ARHGAP15: variants seen among roughly 807,000 people sequenced by gnomAD.
ARHGAP15 encodes Rho GTPase activating protein 15.
ARHGAP15 carries 51 observed loss-of-function variants against 63.7 expected under a neutral mutation model. That is an observed-to-expected ratio of 0.80 (90% CI 0.64 to 1.01). The LOEUF (loss-of-function observed/expected upper bound fraction) is 1.01. Among genes scored for constraint, ARHGAP15 ranks in the 50% least tolerant of loss-of-function variants. The pLI, the probability that ARHGAP15 is intolerant of heterozygous loss-of-function variation, is 0.00. For synonymous variants in ARHGAP15, 191 were observed against 193.8 expected (o/e 0.99, Z 0.12); for missense variants, 560 against 564.6 (o/e 0.99, Z 0.08).
rs928466779 is a variant in ARHGAP15 at position 143,544,847 on chromosome 2, G to C, written c.926-11561G>C. Among the ~76,000 whole-genome samples, 4 of 152,192 alleles carry C rather than the reference G, an allele frequency of 2.6e-5. No individual in the cohort carries two copies. In the South Asian group the frequency reaches 6.2e-4, roughly 24 times the overall value. ...GAACATGACCTAGTCCCACCTCTCT[G>C]TGGAGCAGAAGTATTAGTAATATCC... is the stretch of plus-strand genomic sequence containing the variant. On this transcript the variant is annotated intron_variant, in intron 10 of 13. Coordinates refer to ENST00000295095, the MANE Select transcript of ARHGAP15 (RefSeq NM_018460.4).
intron 3 of ARHGAP15, among the ~76,000 whole-genome samples, chr2:143,215,933 C>A (rs1029050094): frequency 6.6e-6 from 1 of 152,102 alleles, no homozygotes; most frequent in Non-Finnish European, 1.5e-5. Context: ...TTTTAAATGC[C>A]CTTCCATGAT....
intron 12 of ARHGAP15, among the ~76,000 whole-genome samples, chr2:143,644,693 G>GT (rs947509601): frequency 3.9e-5 from 6 of 152,106 alleles, no homozygotes; most frequent in African/African-American, 1.4e-4. Flanking sequence ...CAGAACGCAA[G>GT]TTCGGCCAGA....
At chr2:143,687,488 G>A (rs1683402938) in intron 12 of ARHGAP15, among the ~76,000 whole-genome samples, 1 of 152,178 alleles carries the variant, frequency 6.6e-6, no homozygotes, top group Non-Finnish European at 1.5e-5. Flanking sequence ...CAAATATATA[G>A]TCTAAAGGCA....
chr2:143,250,730 G>A (rs913238916), intron 6 of ARHGAP15, 130 bp downstream of exon 6: 2 of 680,252 alleles, frequency 2.9e-6, no homozygotes, highest in Admixed American at 5.9e-5. Flanking sequence ...GGTCATGAAA[G>A]GCGACTCCTC....
intron 6 of ARHGAP15, among the ~76,000 whole-genome samples, chr2:143,344,829 C>T (rs1056951076): frequency 6.6e-5 from 10 of 152,156 alleles, no homozygotes; most frequent in Admixed American, 6.6e-4. Context: ...AGGCAATAAA[C>T]AAATAAACAA....
intron 6 of ARHGAP15, among the ~76,000 whole-genome samples, chr2:143,420,296 A>G (rs1688863743): frequency 6.6e-6 from 1 of 152,156 alleles, no homozygotes; most frequent in South Asian, 2.1e-4. Context: ...AAAGAAAGGG[A>G]TGAACAGAAG....
At chr2:143,195,847 T>C (rs1691867690) in intron 2 of ARHGAP15, among the ~76,000 whole-genome samples, 1 of 152,202 alleles carries the variant, frequency 6.6e-6, no homozygotes, top group South Asian at 2.1e-4. Context: ...GAATGTTTCA[T>C]GTTTATGTAT....
intron 6 of ARHGAP15, among the ~76,000 whole-genome samples, chr2:143,405,470 T>A (rs990372968): frequency 6.6e-6 from 1 of 151,892 alleles, no homozygotes; most frequent in Admixed American, 6.6e-5. Flanking sequence ...ACATAAAAAA[T>A]TTGTGCTCCC....
intron 13 of ARHGAP15, among the ~76,000 whole-genome samples, chr2:143,720,357 A>C (rs1410327864): frequency 6.6e-6 from 1 of 152,158 alleles, no homozygotes; most frequent in Non-Finnish European, 1.5e-5. Context: ...CGAGGTTAAC[A>C]ATCCCTTCAC....
chr2:143,276,353 GA>G (rs1383853943), intron 6 of ARHGAP15, among the ~76,000 whole-genome samples: 2 of 152,164 alleles, frequency 1.3e-5, no homozygotes, highest in African/African-American at 4.8e-5. Flanking sequence ...TTAAATGAAA[GA>G]ATTTACAGAG....
At chr2:143,300,519 A>T (rs1682847429) in intron 6 of ARHGAP15, among the ~76,000 whole-genome samples, 3 of 152,008 alleles carry the variant, frequency 2.0e-5, no homozygotes, top group African/African-American at 4.8e-5. Flanking sequence ...TGAAACAAAC[A>T]TTCAGACCTG....
chr2:143,493,098 A>G (rs1692659896), intron 9 of ARHGAP15, among the ~76,000 whole-genome samples: 1 of 152,194 alleles, frequency 6.6e-6, no homozygotes, highest in African/African-American at 2.4e-5. Flanking sequence ...CAATCTATCA[A>G]CATTCATACT....
chr2:143,149,326 A>G (rs992618420), intron 1 of ARHGAP15, among the ~76,000 whole-genome samples: 3 of 152,000 alleles, frequency 2.0e-5, no homozygotes, highest in Non-Finnish European at 2.9e-5. Context: ...AACTCAGGCT[A>G]ACACTCATGA....
intron 2 of ARHGAP15, among the ~76,000 whole-genome samples, chr2:143,176,232 T>A (rs926336752): frequency 6.6e-6 from 1 of 152,182 alleles, no homozygotes; most frequent in Non-Finnish European, 1.5e-5. Context: ...AAATATTAAA[T>A]GAGCAATTAT....
chr2:143,657,975 A>G (rs1681544180), intron 12 of ARHGAP15, among the ~76,000 whole-genome samples: 11 of 152,210 alleles, frequency 7.2e-5, no homozygotes, highest in Admixed American at 6.5e-4. Context: ...CTTTCAATAT[A>G]CATTTTTTGA....
intron 12 of ARHGAP15, among the ~76,000 whole-genome samples, chr2:143,679,686 T>C (rs1245544963): frequency 2.0e-5 from 3 of 147,486 alleles, no homozygotes; most frequent in Admixed American, 6.8e-5. Context: ...TGTGTGTGTA[T>C]GTGTGTGTGT....
At chr2:143,540,538 T>C (rs1694998216) in intron 10 of ARHGAP15, among the ~76,000 whole-genome samples, 1 of 152,214 alleles carries the variant, frequency 6.6e-6, no homozygotes, top group African/African-American at 2.4e-5. Context: ...CCATGTTTAG[T>C]GCTTCCTTCA....
chr2:143,378,884 A>G (rs1039790018), intron 6 of ARHGAP15, among the ~76,000 whole-genome samples: 1 of 152,120 alleles, frequency 6.6e-6, no homozygotes, highest in African/African-American at 2.4e-5. Flanking sequence ...TACAGTTTGT[A>G]AGTTGAAGCA....
intron 10 of ARHGAP15, 135 bp from the exon 11 acceptor site, chr2:143,556,273 G>A (rs1187945071): frequency 3.4e-6 from 2 of 593,950 alleles, no homozygotes; most frequent in Non-Finnish European, 5.8e-6. Context: ...TTTGAAGATT[G>A]CATAATTTAG....
Sources: gnomAD v4.1 joint callset for allele counts (sites outside exome capture counted in the v4.1 genomes callset) on GRCh38, gnomAD v4.1.1 for gene constraint, MANE v1.5 for transcripts, NCBI Gene and HGNC (gene_info 2026-07-23, HGNC 2026-07-21) for gene names.